The following BFSP2 variants were observed in gnomAD, a reference collection of about 807,000 sequenced individuals.
BFSP2 encodes beaded filament structural protein 2.
In BFSP2, 38 loss-of-function variants were observed where a neutral mutation model predicts 44.9. The ratio of observed to expected loss-of-function variants is 0.85; its 90% CI spans 0.65 to 1.11. The LOEUF is 1.11. BFSP2 is among the 50% of genes least tolerant of loss of function. BFSP2 has a pLI of 0.00. For synonymous variants in BFSP2, 197 were observed against 209.9 expected, an observed-to-expected ratio of 0.94 and a Z score of 0.53; for missense variants, 525 against 533.0, an observed-to-expected ratio of 0.99 and a Z score of 0.15.
At chr3:133,409,707 C>G (rs1027621795) in intron 1 of BFSP2, among the ~76,000 whole-genome samples, 5 of 152,282 alleles carry the variant, frequency 3.3e-5, no homozygotes, top group Admixed American at 3.3e-4. Context: ...AAAGAAGCTC[C>G]CACTAACCAA....
intron 4 of BFSP2, 145 bp from the exon 5 acceptor site, chr3:133,466,683 A>AAAAAAAAAAAAAAAAAC (rs2074113345): frequency 1.8e-6 from 1 of 541,984 alleles, no homozygotes; most frequent in African/African-American, 1.9e-5. Flanking sequence ...TCAACAAAAA[A>AAAAAAAAAAAAAAAAAC]AAAAAAAAAA....
At chr3:133,436,729 A>G (rs894151313) in intron 1 of BFSP2, among the ~76,000 whole-genome samples, 4 of 152,160 alleles carry the variant, frequency 2.6e-5, no homozygotes, top group Admixed American at 6.5e-5. Flanking sequence ...TACATTAGGT[A>G]TATCTCCTAA....
intron 1 of BFSP2, among the ~76,000 whole-genome samples, chr3:133,440,873 G>A (rs145373642): frequency 3.4e-4 from 52 of 152,226 alleles, no homozygotes; most frequent in African/African-American, 1.2e-3. Context: ...GCTCAGAAGT[G>A]TATTGTGGCT....
At chr3:133,441,259 C>T (rs555479710) in intron 1 of BFSP2, among the ~76,000 whole-genome samples, 1 of 152,258 alleles carries the variant, frequency 6.6e-6, no homozygotes, top group Admixed American at 6.5e-5. Flanking sequence ...TGGTCTCGAA[C>T]TCCTGACCTC....
At chr3:133,455,831 G>C (rs1023940721) in intron 4 of BFSP2, 1 of 152,390 alleles carries the variant, frequency 6.6e-6, no homozygotes. Context: ...TTTCTCAGCC[G>C]GGGCACTGAG....
In BFSP2 at chr3:133,400,151, G is replaced by A. The variant is rs183542835; in HGVS notation, c.68G>A (p.Arg23His). 1.0e-4 allele frequency: 165 copies of A among 1,614,176 alleles called. 1 individual carries two copies. The East Asian group carries it at 3.2e-3, about 31-fold the overall frequency. The part of the protein sequence containing the change: ...SASSSMPLQR[R>H]RASFRGPRSS... ...AGCTCCAGCATGCCCCTCCAGAGGC[G>A]CAGGGCGTCCTTCAGGGGGCCACGG... Residue 23 changes from arginine (R) to histidine (H), a missense_variant, in exon 1 of 7, where the codon CGC (arginine) becomes CAC (histidine). Arg to His is a conservative substitution (Grantham distance 29, BLOSUM62 0). Coordinates refer to ENST00000302334, the MANE Select transcript of BFSP2 (RefSeq NM_003571.4). This position sits in a 1 kb window ranked among gnomAD's most constrained non-coding sequence, Gnocchi z 4.0.
intron 1 of BFSP2, among the ~76,000 whole-genome samples, chr3:133,434,690 C>A (rs750705714): frequency 6.6e-6 from 1 of 152,092 alleles, no homozygotes; most frequent in Non-Finnish European, 1.5e-5. Context: ...TGTAAATGGC[C>A]GGTCCTTGCC....
chr3:133,440,477 A>G (rs926867203), intron 1 of BFSP2, among the ~76,000 whole-genome samples: 3 of 152,210 alleles, frequency 2.0e-5, no homozygotes, highest in African/African-American at 7.2e-5. Context: ...CTCATCTGAC[A>G]TAAACAACCA....
chr3:133,434,941 A>G (rs1203017603), intron 1 of BFSP2, among the ~76,000 whole-genome samples: 3 of 152,222 alleles, frequency 2.0e-5, no homozygotes, highest in Non-Finnish European at 1.5e-5. Flanking sequence ...CATCAAGTTC[A>G]AGACACTTTT....
At chr3:133,457,163 T>G (rs2074019680) in intron 4 of BFSP2, among the ~76,000 whole-genome samples, 1 of 152,220 alleles carries the variant, frequency 6.6e-6, no homozygotes, top group South Asian at 2.1e-4. Flanking sequence ...TGACAGCATC[T>G]GTAATCTAGA....
At chr3:133,441,694 CTG>C (rs1234493741) in intron 1 of BFSP2, among the ~76,000 whole-genome samples, 1 of 152,174 alleles carries the variant, frequency 6.6e-6, no homozygotes, top group African/African-American at 2.4e-5. Context: ...GTACCAGACA[CTG>C]TGCTAGGGAT....
At chr3:133,408,472 G>T (rs191237040) in intron 1 of BFSP2, among the ~76,000 whole-genome samples, 76 of 152,278 alleles carry the variant, frequency 5.0e-4, no homozygotes, top group Admixed American at 3.0e-3. Context: ...AATTATATAG[G>T]CATTTATGTA....
At chr3:133,432,969 C>A (rs1360017359) in intron 1 of BFSP2, among the ~76,000 whole-genome samples, 3 of 152,302 alleles carry the variant, frequency 2.0e-5, no homozygotes, top group African/African-American at 7.2e-5. Flanking sequence ...TAGAGGCCCT[C>A]AAAATCACAA....
chr3:133,454,664 AT>A (rs35930486), intron 4 of BFSP2, among the ~76,000 whole-genome samples: 1 of 152,156 alleles, frequency 6.6e-6, no homozygotes, highest in East Asian at 1.9e-4. Flanking sequence ...CACTTTACAT[AT>A]TTTTGCCAGC....
chr3:133,431,929 C>T (rs972021756), intron 1 of BFSP2, among the ~76,000 whole-genome samples: 3 of 152,118 alleles, frequency 2.0e-5, no homozygotes, highest in Admixed American at 1.3e-4. Context: ...TCCTGGATTA[C>T]AGCCGCATCT....
In BFSP2 at chr3:133,400,318, G is replaced by A. The variant is rs756814292; in HGVS notation, c.235G>A (p.Gly79Ser). Residue 79 changes from glycine to serine, a missense_variant, in exon 1 of 7, where the codon GGC becomes AGC. Gly to Ser is a moderately conservative substitution (Grantham distance 56). Coordinates refer to ENST00000302334, the MANE Select transcript of BFSP2 (RefSeq NM_003571.4). This position sits in a 1 kb window ranked among gnomAD's most constrained non-coding sequence, Gnocchi z 4.0. ...TGCCCGTGTGACCCGCCGGGCCCTC[G>A]GCATCAGCAGTGTCTTCCTTCAGGG... ...LGARVTRRAL[G>S]ISSVFLQGLR... The A allele has an allele frequency of 2.0e-5, 32 of 1,613,856 alleles. 1 individual carries two copies. The Middle Eastern group carries it at 6.6e-4, about 33-fold the overall frequency.
chr3:133,462,220 A>C lies in BFSP2; in HGVS notation c.892-4608A>C, dbSNP rs796991394. ...TACAGTTTACAGATAACTAACCTAC[A>C]GTTTCCATTTTAAACACGTTTATTT... On this transcript the variant is annotated intron_variant, in intron 4 of 6. Coordinates refer to ENST00000302334, the MANE Select transcript of BFSP2 (RefSeq NM_003571.4). Among the ~76,000 whole-genome samples, 6 of 150,938 alleles carry C rather than the reference A, an allele frequency of 4.0e-5. No homozygotes were observed. In the South Asian group the frequency reaches 1.1e-3, roughly 27 times the overall value.
At chr3:133,460,430 G>T (rs1248435668) in intron 4 of BFSP2, among the ~76,000 whole-genome samples, 29 of 152,096 alleles carry the variant, frequency 1.9e-4, no homozygotes, top group Non-Finnish European at 1.5e-5. Context: ...GTTTTTAAAA[G>T]ATTTTTTTGT....
chr3:133,433,087 C>G (rs1460944341), intron 1 of BFSP2, among the ~76,000 whole-genome samples: 1 of 152,220 alleles, frequency 6.6e-6, no homozygotes, highest in Admixed American at 6.5e-5. Context: ...GCTGTACTCA[C>G]TCTTTGTTAA....
Sources: gnomAD v4.1 joint callset for allele counts (sites outside exome capture counted in the v4.1 genomes callset) on GRCh38, gnomAD v4.1.1 for gene constraint, Gnocchi (gnomAD v3.1) non-coding constraint, MANE v1.5 for transcripts, NCBI Gene and HGNC (gene_info 2026-07-23, HGNC 2026-07-21) for gene names.